APOB: variants seen among roughly 807,000 people sequenced by gnomAD.
The protein encoded by APOB is apolipoprotein B-100.
APOB carries 153 observed loss-of-function variants against 314.1 expected under a neutral mutation model. The observed-to-expected ratio is 0.49, with a 90% confidence interval of 0.43 to 0.56. The LOEUF (loss-of-function observed/expected upper bound fraction) is 0.56. Ranked by LOEUF, APOB falls within the 20% of genes least tolerant of loss-of-function variation. APOB has a pLI of 0.00. For synonymous variants in APOB, 2,087 were observed against 2,036.4 expected, an observed-to-expected ratio of 1.02 and a Z score of -0.67; for missense variants, 5,430 against 5,350.7, an observed-to-expected ratio of 1.01 and a Z score of -0.46.
chr2:21,034,642 A>C (rs1663956334), intron 8 of APOB, among the ~76,000 whole-genome samples, 174 bp downstream of exon 8: 1 of 152,222 alleles, frequency 6.6e-6, no homozygotes, highest in African/African-American at 2.4e-5. Context: ...CCTTTATGCC[A>C]TTGCAACTTG....
chr2:21,043,454 G>C lies in APOB; in HGVS notation c.121+59C>G, dbSNP rs1187917771. The C allele has an allele frequency of 1.9e-6, 3 of 1,558,574 alleles. No homozygotes were observed. In the African/African-American group the frequency reaches 4.1e-5, roughly 21 times the overall value. Reference sequence around the variant, plus strand: ...AGAGTGGGAGGCCCTCAGGGACCCGGGTGTAGGAGAGTGCACGGGGCTGGG... The same window carrying C: ...AGAGTGGGAGGCCCTCAGGGACCCGCGTGTAGGAGAGTGCACGGGGCTGGG... On this transcript the variant is annotated intron_variant, in intron 2 of 28. Transcript: ENST00000233242.
In APOB at chr2:21,008,040, T is replaced by G; in HGVS notation, c.8828A>C (p.Glu2943Ala). 6.2e-7 allele frequency: 1 copy of G among 1,614,112 alleles called. No homozygotes were observed. The highest frequency in any genetic ancestry group is 8.5e-7 in the Non-Finnish European group (1 of 1,179,962). ...TTCTATGGTGAAACTAATTTGTGAT[T>G]CATGTGTTCCCTCATCTGAGAATCT... is the stretch of plus-strand genomic sequence containing the variant. ...CPRFSDEGTH[E>A]SQISFTIEGP... Residue 2943 changes from glutamate (E) to alanine (A), a missense_variant, in exon 26 of 29, where the codon GAA (glutamate) becomes GCA (alanine). Glu to Ala is a moderately radical substitution (Grantham distance 107). This residue lies in a region of APOB where 3,281 missense variants were observed against 3,171.0 expected (regional missense o/e 1.03). Transcript: ENST00000233242.
intron 19 of APOB, 40 bp from the exon 20 acceptor site, chr2:21,019,153 C>T: frequency 1.2e-6 from 2 of 1,613,460 alleles, no homozygotes; most frequent in Non-Finnish European, 1.7e-6. Context: ...AATGTTAGAG[C>T]TTTCAAGGAT....
chr2:21,027,471 G>A (rs1166588781), intron 14 of APOB, among the ~76,000 whole-genome samples: 5 of 152,014 alleles, frequency 3.3e-5, no homozygotes, highest in East Asian at 3.9e-4. Flanking sequence ...CTGCCACCAC[G>A]CCCGGCTAAT....
At chr2:21,017,774 T>G (rs1277447682) in intron 20 of APOB, among the ~76,000 whole-genome samples, 1 of 152,194 alleles carries the variant, frequency 6.6e-6, no homozygotes, top group African/African-American at 2.4e-5. Context: ...CCATTTTATA[T>G]CCTTCGTAAA....
intron 17 of APOB, 90 bp downstream of exon 17, chr2:21,023,435 T>C (rs1008975432): frequency 2.0e-6 from 3 of 1,476,134 alleles, no homozygotes; most frequent in Non-Finnish European, 2.8e-6. Flanking sequence ...TGTCTTGAAG[T>C]GGAAACACAT....
chr2:21,005,943 C>G lies in APOB; in HGVS notation c.10925G>C (p.Gly3642Ala). 1.2e-6 allele frequency: 2 copies of G among 1,613,774 alleles called. No homozygotes were observed. Among genetic ancestry groups the G allele is most frequent in the Non-Finnish European group, 1.7e-6 (2 of 1,179,914 alleles). Residue 3642 changes from glycine to alanine, a missense_variant, in exon 26 of 29, where the codon GGG becomes GCG. Coordinates refer to ENST00000233242, the MANE Select transcript of APOB (RefSeq NM_000384.3). ...RWKNEVRIHS[G>A]SFQSQVELSN... ...AAGCTCGACCTGGCTCTGGAAAGAC[C>G]CAGAATGAATCCGGACTTCATTTTT...
Position 21,010,524 on chromosome 2 carries a change from AGGGCTG to A in APOB, c.6338_6343del (p.Ala2113_Leu2115delinsVal). 6.2e-7 allele frequency: 1 copy of A among 1,608,970 alleles called. No homozygotes were observed. Among genetic ancestry groups the A allele is most frequent in the East Asian group, 2.2e-5 (1 of 44,778 alleles). On this transcript the variant is annotated inframe_deletion, in exon 26 of 29. Coordinates refer to ENST00000233242, the MANE Select transcript of APOB (RefSeq NM_000384.3). ...ATTAGCTTGCTGTGGGAGTTTTCCCAGGGCTGCTCTGTATTTTCTTACAAATTGATC... is the reference window on the plus strand; with the variant it reads ...ATTAGCTTGCTGTGGGAGTTTTCCCACTCTGTATTTTCTTACAAATTGATC...
Position 21,005,119 on chromosome 2 carries a change from AT to A in APOB, c.11748del (p.Cys3917AlafsTer8). 6.2e-7 allele frequency: 1 copy of A among 1,614,072 alleles called. No homozygotes were observed. The highest frequency in any genetic ancestry group is 8.5e-7 in the Non-Finnish European group (1 of 1,179,936). On this transcript the variant is annotated frameshift_variant, in exon 26 of 29. Transcript: ENST00000233242. LOFTEE classifies it high-confidence loss of function. Reference protein sequence around the residue: ...ADYVETVLDSTCSSTVQFLEY... With the variant: ...ADYVETVLDSXCSSTVQFLEY... The stretch of plus-strand genomic sequence containing the variant: ...TCTAGGAACTGTACGGTTGAGCTGC[AT>A]GTGGAATCCAGGACTGTTTCAACAT...
Position 21,001,715 on chromosome 2 carries a change from AT to A in APOB, c.*14del. 1 of 1,611,612 alleles carries A rather than the reference AT, an allele frequency of 6.2e-7. No individual in the cohort carries two copies. The highest frequency in any genetic ancestry group is 8.5e-7 in the Non-Finnish European group (1 of 1,178,152). Reference sequence around the variant, plus strand: ...AATTGGAAAAGAAGAATAAATGAAGATTTCTTTTAAAAAATTAGAGGATGAT... The same window carrying A: ...AATTGGAAAAGAAGAATAAATGAAGATTCTTTTAAAAAATTAGAGGATGAT... On this transcript the variant is annotated 3_prime_UTR_variant, in exon 29 of 29. Transcript: ENST00000233242.
At position 21,007,150 on chromosome 2, in the gene APOB, C is replaced by T. The variant is rs769213768; in HGVS notation, c.9718G>A (p.Asp3240Asn). Reference sequence around the variant, plus strand: ...ATTTGAAAGGTCCTGGGGAGCTCGTCGTGAGATTTTTCAGCTTTGTACTTA... The same window carrying T: ...ATTTGAAAGGTCCTGGGGAGCTCGTTGTGAGATTTTTCAGCTTTGTACTTA... ...FDKYKAEKSH[D>N]ELPRTFQIPG... Residue 3240 changes from aspartate to asparagine, a missense_variant, in exon 26 of 29, where the codon GAC becomes AAC. Physicochemically the swap from Asp to Asn is conservative, Grantham distance 23. Coordinates refer to ENST00000233242, the MANE Select transcript of APOB (RefSeq NM_000384.3). The T allele has an allele frequency of 4.7e-5, 76 of 1,613,756 alleles. No homozygotes were observed. Among genetic ancestry groups the T allele is most frequent in the Admixed American group, 1.0e-4 (6 of 59,936 alleles).
At chr2:21,042,227 A>C in intron 3 of APOB, 134 bp downstream of exon 3, 1 of 766,864 alleles carries the variant, frequency 1.3e-6, no homozygotes, top group Non-Finnish European at 2.4e-6. Flanking sequence ...CTTTGATCAG[A>C]TTACAACAGT....
At chr2:21,035,551 A>C in intron 7 of APOB, 33 bp downstream of exon 7, 1 of 1,613,402 alleles carries the variant, frequency 6.2e-7, no homozygotes, top group Non-Finnish European at 8.5e-7. Context: ...TGACCCATTA[A>C]ATGACAAATC....
intron 15 of APOB, 51 bp from the exon 16 acceptor site, chr2:21,025,175 C>A: frequency 6.4e-7 from 1 of 1,568,084 alleles, no homozygotes; most frequent in South Asian, 1.1e-5. Flanking sequence ...ATGTCAAACA[C>A]CTTTCAGTTC....
chr2:21,027,730 T>C, intron 14 of APOB, 98 bp downstream of exon 14: 2 of 921,986 alleles, frequency 2.2e-6, no homozygotes, highest in Non-Finnish European at 3.6e-6. Context: ...TGCCTGGTGG[T>C]TCTTAGTTTT....
Position 21,013,476 on chromosome 2 carries a change from C to T in APOB, c.3900G>A (p.Leu1300=), listed in dbSNP as rs755061192. Residue 1300 remains leucine, a synonymous_variant, in exon 25 of 29, where the codon TTG becomes TTA. Coordinates refer to ENST00000233242, the MANE Select transcript of APOB (RefSeq NM_000384.3). ...NKNSLKIEIP[L]PFGGKSSRDL... is the part of the protein sequence containing the mutation. ...CTCTGGAGGATTTGCCACCAAAAGG[C>T]AAAGGAATCTCAATTTTCAAACTGT... 1.2e-6 allele frequency: 2 copies of T among 1,614,184 alleles called. No individual in the cohort carries two copies. Among genetic ancestry groups the T allele is most frequent in the Non-Finnish European group, 1.7e-6 (2 of 1,180,022 alleles).
At position 21,006,844 on chromosome 2, in the gene APOB, A is replaced by G. The variant is rs1175071342; in HGVS notation, c.10024T>C (p.Ser3342Pro). 1 of 1,614,026 alleles carries G rather than the reference A, an allele frequency of 6.2e-7. No individual in the cohort carries two copies. The highest frequency in any genetic ancestry group is 8.5e-7 in the Non-Finnish European group (1 of 1,179,884). The change falls in exon 26 of 29, where the codon TCC becomes CCC. Residue 3342 changes from serine (S) to proline (P), a missense_variant. Around this residue, in one of 3 missense-constraint regions of APOB, gnomAD observed 3,281 missense variants for 3,171.0 expected, o/e 1.03. Transcript: ENST00000233242. ...AGTGTGATGACACTTGATTTAAAGG[A>G]GAAATCATAGGTAATATTGCCCATG... The part of the protein sequence containing the change: ...PAMGNITYDF[S>P]FKSSVITLNT...
chr2:21,009,897 A>C lies in APOB; in HGVS notation c.6971T>G (p.Leu2324Arg). 6.2e-7 allele frequency: 1 copy of C among 1,614,006 alleles called. No individual in the cohort carries two copies. The highest frequency in any genetic ancestry group is 8.5e-7 in the Non-Finnish European group (1 of 1,179,916). Residue 2324 changes from leucine to arginine, a missense_variant, in exon 26 of 29, where the codon CTT becomes CGT. Leu to Arg is a moderately radical substitution (Grantham distance 102). This residue lies in a region of APOB where 3,281 missense variants were observed against 3,171.0 expected (regional missense o/e 1.03). Transcript: ENST00000233242. ...LEHVKHFVIN[L>R]IGDFEVAEKI... is the part of the protein sequence containing the mutation. The stretch of plus-strand genomic sequence containing the variant: ...CTCAGCTACTTCAAAATCCCCAATA[A>C]GATTTATAACAAAGTGTTTGACATG...
At chr2:21,019,619 AGTGACAG>A (rs1201774462) in intron 19 of APOB, 97 bp downstream of exon 19, 4 of 1,224,312 alleles carry the variant, frequency 3.3e-6, no homozygotes. Context: ...CCAGAAGGCT[AGTGACAG>A]GGTCTTACAA....
Sources: allele counts gnomAD v4.1 joint callset (sites outside exome capture counted in the v4.1 genomes callset), GRCh38; gene constraint gnomAD v4.1.1; regional missense constraint gnomAD v4.1.1; transcripts MANE v1.5; gene names NCBI Gene and HGNC (gene_info 2026-07-23, HGNC 2026-07-21).